Variants in TMEM139 observed in about 807,000 individuals in gnomAD.
TMEM139 encodes the protein transmembrane protein 139.
Under a neutral mutation model 15.9 loss-of-function variants are expected in TMEM139, and 9 were observed. That is an observed-to-expected ratio of 0.57 (90% CI 0.34 to 0.99). TMEM139 has a LOEUF of 0.99. Among genes scored for constraint, TMEM139 ranks in the 50% least tolerant of loss-of-function variants. The probability of loss-of-function intolerance (pLI) is 0.02; values close to 1 mark genes in which losing one functional copy is unlikely to be tolerated. For synonymous variants in TMEM139, 95 were observed against 110.5 expected (o/e 0.86, Z 0.88); for missense variants, 270 against 267.7 (o/e 1.01, Z -0.06).
rs1469946428 is a variant in TMEM139, at chr7:143,286,593, C to G, written c.415C>G (p.Leu139Val). The change falls in exon 3 of 3, where the codon CTG becomes GTG. Residue 139 changes from leucine to valine, a missense_variant. Transcript: ENST00000359333. ...SHPEGSRRAK[L>V]EQRRMASEGS... ...TCCAGAGGGGTCCAGGAGAGCCAAA[C>G]TGGAACAGAGGCGAATGGCCTCAGA... 1.2e-6 allele frequency: 2 copies of G among 1,613,790 alleles called. No homozygotes were observed. The highest frequency in any genetic ancestry group is 1.7e-6 in the Non-Finnish European group (2 of 1,179,948).
rs1466956711 is a variant in TMEM139 at position 143,287,495 on chromosome 7, CAA to C, written c.*668_*669del. On this transcript the variant is annotated 3_prime_UTR_variant, in exon 3 of 3. Coordinates refer to ENST00000359333, the MANE Select transcript of TMEM139 (RefSeq NM_001282876.2). ...GCATGTCCCCAGCCTCCTGGACGAG[CAA>C]AGTCAGTCAAAGCGCTGGTGATCCC... 6 of 152,464 alleles carry C rather than the reference CAA, an allele frequency of 3.9e-5. No homozygotes were observed. In the East Asian group the frequency reaches 9.7e-4, roughly 25 times the overall value. 9.4% of individuals were successfully genotyped at this position (152,464 alleles called of 1,614,324 possible).
chr7:143,285,781 A>C, intron 1 of TMEM139, 160 bp from the exon 2 acceptor site: 2 of 924,536 alleles, frequency 2.2e-6, no homozygotes, highest in Non-Finnish European at 3.2e-6. Flanking sequence ...TCCAAGACAT[A>C]GAGAGAATTT....
Position 143,286,987 on chromosome 7 carries a change from C to G in TMEM139, c.*158C>G. 1.2e-6 allele frequency: 1 copy of G among 816,838 alleles called. No homozygotes were observed. The highest frequency in any genetic ancestry group is 2.6e-5 in the East Asian group (1 of 37,994). The allele number at this position is 816,838 out of a possible 1,614,324, so 50.6% of individuals were successfully genotyped here. Reference sequence around the variant, plus strand: ...AGAGTCAGGCCACGGTAAGCCCTTCCCAGCTGAGATATGGGTGGCATAATT... The same window carrying G: ...AGAGTCAGGCCACGGTAAGCCCTTCGCAGCTGAGATATGGGTGGCATAATT... On this transcript the variant is annotated 3_prime_UTR_variant, in exon 3 of 3. Coordinates refer to ENST00000359333, the MANE Select transcript of TMEM139 (RefSeq NM_001282876.2).
In TMEM139 at chr7:143,286,030, G is replaced by A. The variant is rs1801274993; in HGVS notation, c.73G>A (p.Gly25Arg). Reference protein sequence around the residue: ...LLLCCASFLLGLALLGIKTDI... With the variant: ...LLLCCASFLLRLALLGIKTDI... ...CCTGTGCTGCGCCTCCTTCCTACTG[G>A]GGCTGGCTTTGCTGGGCATAAAGAC... The change falls in exon 2 of 3, where the codon GGG becomes AGG. Residue 25 changes from glycine to arginine, a missense_variant. Coordinates refer to ENST00000359333, the MANE Select transcript of TMEM139 (RefSeq NM_001282876.2). The A allele has an allele frequency of 6.2e-7, 1 of 1,614,010 alleles. No individual in the cohort carries two copies. The highest frequency in any genetic ancestry group is 1.1e-5 in the South Asian group (1 of 91,080).
rs751872424 is a variant in TMEM139 at position 143,285,974 on chromosome 7, T to TA, written c.18dup (p.Leu7ThrfsTer67). The TA allele has an allele frequency of 6.2e-7, 1 of 1,614,054 alleles. No homozygotes were observed. The highest frequency in any genetic ancestry group is 2.2e-5 in the East Asian group (1 of 44,896). ...GGAGGGGCCATGGTGCCAATGCACT[T>TA]ACTGGGGAGACTGGAGAAGCCGCTT... On this transcript the variant is annotated frameshift_variant, in exon 2 of 3. Coordinates refer to ENST00000359333, the MANE Select transcript of TMEM139 (RefSeq NM_001282876.2). LOFTEE classifies it high-confidence loss of function.
At chr7:143,285,825 T>G in intron 1 of TMEM139, 116 bp from the exon 2 acceptor site, 52 of 1,387,302 alleles carry the variant, frequency 3.7e-5, no homozygotes, top group Non-Finnish European at 4.7e-5. Flanking sequence ...ATGATTTATT[T>G]GAGATTGAAG....
At position 143,286,953 on chromosome 7, in the gene TMEM139, A is replaced by G. The variant is rs183695507; in HGVS notation, c.*124A>G. ...CTGGACATCATAAATGGGGACTTGG[A>G]CCCTGAGGAGAGTCAGGCCACGGTA... is the stretch of plus-strand genomic sequence containing the variant. On this transcript the variant is annotated 3_prime_UTR_variant, in exon 3 of 3. Transcript: ENST00000359333. 2.1e-4 allele frequency: 256 copies of G among 1,195,430 alleles called. 1 individual carries two copies. In the East Asian group the frequency reaches 5.5e-3, roughly 25 times the overall value. The allele number at this position is 1,195,430 out of a possible 1,614,324, so 74.1% of individuals were successfully genotyped here.
chr7:143,286,995 G>C lies in TMEM139; in HGVS notation c.*166G>C, dbSNP rs1801357186. The stretch of plus-strand genomic sequence containing the variant: ...GCCACGGTAAGCCCTTCCCAGCTGA[G>C]ATATGGGTGGCATAATTTGAGTCTT... On this transcript the variant is annotated 3_prime_UTR_variant, in exon 3 of 3. Coordinates refer to ENST00000359333, the MANE Select transcript of TMEM139 (RefSeq NM_001282876.2). 1.4e-6 allele frequency: 1 copy of C among 729,482 alleles called. No homozygotes were observed. The highest frequency in any genetic ancestry group is 2.2e-6 in the Non-Finnish European group (1 of 459,764). The allele number at this position is 729,482 out of a possible 1,614,324, so 45.2% of individuals were successfully genotyped here. A position where few individuals can be genotyped will look rare whatever the true frequency, so the allele number is the denominator to read the frequency against.
chr7:143,286,970 G>C lies in TMEM139; in HGVS notation c.*141G>C. On this transcript the variant is annotated 3_prime_UTR_variant, in exon 3 of 3. Transcript: ENST00000359333. ...GGACTTGGACCCTGAGGAGAGTCAG[G>C]CCACGGTAAGCCCTTCCCAGCTGAG... is the stretch of plus-strand genomic sequence containing the variant. The C allele has an allele frequency of 1.0e-6, 1 of 970,406 alleles. No individual in the cohort carries two copies. The highest frequency in any genetic ancestry group is 2.5e-5 in the Admixed American group (1 of 39,454). 60.1% of individuals were successfully genotyped at this position (970,406 alleles called of 1,614,324 possible).
Position 143,286,706 on chromosome 7 carries a change from T to C in TMEM139, c.528T>C (p.Asp176=), listed in dbSNP as rs763077980. 1 of 1,614,094 alleles carries C rather than the reference T, an allele frequency of 6.2e-7. No homozygotes were observed. Among genetic ancestry groups the C allele is most frequent in the Non-Finnish European group, 8.5e-7 (1 of 1,180,048 alleles). The change falls in exon 3 of 3, where the codon GAT becomes GAC. Residue 176 remains aspartate (D), a synonymous_variant. Coordinates refer to ENST00000359333, the MANE Select transcript of TMEM139 (RefSeq NM_001282876.2). ...RGPRAVSTAP[D]LQSLAAVPTL... ...CACGGGCTGTGTCCACTGCTCCTGATCTGCAGAGCTTGGCGGCAGTCCCCA... is the reference window on the plus strand; with the variant it reads ...CACGGGCTGTGTCCACTGCTCCTGACCTGCAGAGCTTGGCGGCAGTCCCCA...
Position 143,287,308 on chromosome 7 carries a change from A to C in TMEM139, c.*479A>C, listed in dbSNP as rs1007043019. ...ATAACTGGAATGAACTCCTGATCCC[A>C]AAGCCTATTGTGTTTTCAACACAAG... On this transcript the variant is annotated 3_prime_UTR_variant, in exon 3 of 3. Transcript: ENST00000359333. 6.5e-6 allele frequency: 1 copy of C among 153,422 alleles called. No individual in the cohort carries two copies. Among genetic ancestry groups the C allele is most frequent in the African/African-American group, 2.4e-5 (1 of 41,500 alleles). The allele number at this position is 153,422 out of a possible 1,614,324, so 9.5% of individuals were successfully genotyped here. A position where few individuals can be genotyped will look rare whatever the true frequency, so the allele number is the denominator to read the frequency against.
intron 1 of TMEM139, 98 bp downstream of exon 1, chr7:143,285,543 A>G (rs1801244887): frequency 4.6e-6 from 1 of 216,474 alleles, no homozygotes; most frequent in African/African-American, 2.3e-5. Context: ...GCAATAACAG[A>G]GGAAGGGCAG....
At chr7:143,285,846 CCAAA>C in intron 1 of TMEM139, 91 bp from the exon 2 acceptor site, 2 of 1,515,256 alleles carry the variant, frequency 1.3e-6, no homozygotes, top group Non-Finnish European at 1.8e-6. Context: ...AACCTAGAAA[CCAAA>C]CAAAGAAATA....
In TMEM139 at chr7:143,286,129, T is replaced by C. The variant is rs772819941; in HGVS notation, c.172T>C (p.Phe58Leu). 1.8e-5 allele frequency: 29 copies of C among 1,613,706 alleles called. No homozygotes were observed. The highest frequency in any genetic ancestry group is 1.2e-4 in the Admixed American group (7 of 59,986). Residue 58 changes from phenylalanine to leucine, a missense_variant, in exon 2 of 3, where the codon TTT becomes CTT. Coordinates refer to ENST00000359333, the MANE Select transcript of TMEM139 (RefSeq NM_001282876.2). ...CTTGTTTGCCTATCTCCTGGTCCGG[T>C]TTCTGGAATGGGGGCTTCGGTCCCA... ...FFLFAYLLVRFLEWGLRSQLQ... is the reference protein window; with the variant it reads ...FFLFAYLLVRLLEWGLRSQLQ...
chr7:143,286,502 G>C lies in TMEM139; in HGVS notation c.324G>C (p.Leu108Phe). ...GLESQCRPQELDQPPPYSTVV... is the reference protein window; with the variant it reads ...GLESQCRPQEFDQPPPYSTVV... The stretch of plus-strand genomic sequence containing the variant: ...AATCCCAGTGCCGCCCCCAAGAGTT[G>C]GACCAACCACCCCCCTACAGCACTG... The change falls in exon 3 of 3, where the codon TTG (leucine) becomes TTC (phenylalanine). Residue 108 changes from leucine to phenylalanine, a missense_variant. By Grantham distance (22) the Leu-to-Phe change is conservative. Transcript: ENST00000359333. The C allele has an allele frequency of 6.2e-7, 1 of 1,600,634 alleles. No individual in the cohort carries two copies. Among genetic ancestry groups the C allele is most frequent in the East Asian group, 2.2e-5 (1 of 44,780 alleles).
Position 143,286,622 on chromosome 7 carries a change from G to T in TMEM139, c.444G>T (p.Gly148=), listed in dbSNP as rs765448851. The T allele has an allele frequency of 1.2e-6, 2 of 1,614,126 alleles. No individual in the cohort carries two copies. Among genetic ancestry groups the T allele is most frequent in the South Asian group, 1.1e-5 (1 of 91,078 alleles). The part of the protein sequence containing the change: ...KLEQRRMASE[G]SMAQEGSPGR... ...AACAGAGGCGAATGGCCTCAGAGGG[G>T]TCCATGGCCCAGGAAGGAAGCCCTG... Residue 148 remains glycine (G), a synonymous_variant, in exon 3 of 3, where the codon GGG becomes GGT. Coordinates refer to ENST00000359333, the MANE Select transcript of TMEM139 (RefSeq NM_001282876.2).
rs142807595 is a variant in TMEM139 at position 143,286,052 on chromosome 7, A to G, written c.95A>G (p.Lys32Arg). ...FLLGLALLGI[K>R]TDITPVAYFF... is the part of the protein sequence containing the mutation. ...CTGGGGCTGGCTTTGCTGGGCATAA[A>G]GACGGACATCACCCCCGTTGCTTAT... The change falls in exon 2 of 3, where the codon AAG becomes AGG. Residue 32 changes from lysine (K) to arginine (R), a missense_variant. Coordinates refer to ENST00000359333, the MANE Select transcript of TMEM139 (RefSeq NM_001282876.2). 1.0e-3 allele frequency: 1,678 copies of G among 1,614,120 alleles called. 2 individuals carry two copies. Among genetic ancestry groups the G allele is most frequent in the Non-Finnish European group, 1.3e-3 (1,559 of 1,180,028 alleles).
At position 143,286,394 on chromosome 7, in the gene TMEM139, C is replaced by G. The variant is rs751997099; in HGVS notation, c.246-30C>G. 5 of 1,522,152 alleles carry G rather than the reference C, an allele frequency of 3.3e-6. No homozygotes were observed. The Admixed American group carries it at 1.1e-4, about 34-fold the overall frequency. The allele number at this position is 1,522,152 out of a possible 1,614,324, so 94.3% of individuals were successfully genotyped here. A position where few individuals can be genotyped will look rare whatever the true frequency, so the allele number is the denominator to read the frequency against. On this transcript the variant is annotated intron_variant, in intron 2 of 2. Transcript: ENST00000359333. ...GGAAAAAGGGCTTCTTTCATGGAAG[C>G]CACCAATGGCCTTATTTCTCTTCCC...
rs1801322833 is a variant in TMEM139 at position 143,286,557 on chromosome 7, C to A, written c.379C>A (p.Gln127Lys). Residue 127 changes from glutamine (Q) to lysine (K), a missense_variant, in exon 3 of 3, where the codon CAA (glutamine) becomes AAA (lysine). Gln to Lys is a moderately conservative substitution (Grantham distance 53). Transcript: ENST00000359333. ...GATACCCCCAGCACCTGAGGAGGAACAACCTAGCCATCCAGAGGGGTCCAG... is the reference window on the plus strand; with the variant it reads ...GATACCCCCAGCACCTGAGGAGGAAAAACCTAGCCATCCAGAGGGGTCCAG... ...VVIPPAPEEEQPSHPEGSRRA... is the reference protein window; with the variant it reads ...VVIPPAPEEEKPSHPEGSRRA... The A allele has an allele frequency of 6.2e-7, 1 of 1,613,858 alleles. No homozygotes were observed. The highest frequency in any genetic ancestry group is 1.1e-5 in the South Asian group (1 of 91,042).
Sources: gnomAD v4.1 joint callset for allele counts on GRCh38, gnomAD v4.1.1 for gene constraint, MANE v1.5 for transcripts, NCBI Gene and HGNC (gene_info 2026-07-23, HGNC 2026-07-21) for gene names.